AFF1: variants seen among roughly 807,000 people sequenced by gnomAD.
AFF1 encodes ALF transcription elongation factor 1, also known as AF4/FMR2 family member 1.
AFF1 carries 48 observed loss-of-function variants against 121.7 expected under a neutral mutation model. That is an observed-to-expected ratio of 0.39 (90% CI 0.31 to 0.50). AFF1 has a LOEUF of 0.50. AFF1 is among the 20% of genes least tolerant of loss of function. The pLI is 0.76. For synonymous variants in AFF1, 613 were observed against 563.0 expected (o/e 1.09, Z -1.26); for missense variants, 1,523 against 1,511.7 (o/e 1.01, Z -0.12).
chr4:87,070,026 A>G (rs1238527797), intron 4 of AFF1, among the ~76,000 whole-genome samples: 1 of 151,480 alleles, frequency 6.6e-6, no homozygotes, highest in African/African-American at 2.4e-5. Flanking sequence ...TTGTTTTGAG[A>G]TGGAGTCTCG....
chr4:87,120,681 T>C (rs79245286), intron 12 of AFF1, among the ~76,000 whole-genome samples: 562 of 152,322 alleles, frequency 3.7e-3, no homozygotes, highest in African/African-American at 0.013. Flanking sequence ...CCCGGCTTGG[T>C]TCCTCCACGG....
At chr4:87,126,959 A>C (rs986776129) in intron 14 of AFF1, 67 bp from the exon 15 acceptor site, 2 of 1,364,598 alleles carry the variant, frequency 1.5e-6, no homozygotes, top group Non-Finnish European at 2.1e-6. Context: ...TTTAAGAGGG[A>C]TGGTACTTTT....
intron 2 of AFF1, among the ~76,000 whole-genome samples, chr4:86,977,819 C>T (rs1480675882): frequency 6.6e-6 from 1 of 152,198 alleles, no homozygotes; most frequent in Non-Finnish European, 1.5e-5. Context: ...GTTGCCCTAA[C>T]ATAATTCTGG....
At chr4:87,035,396 C>A (rs187069200) in intron 2 of AFF1, among the ~76,000 whole-genome samples, 45 of 152,128 alleles carry the variant, frequency 3.0e-4, no homozygotes, top group African/African-American at 1.1e-3. Context: ...CCCATCTCTA[C>A]TAAAAATAAA....
Position 86,935,057 on chromosome 4 carries a change from C to T in AFF1, c.-220C>T, listed in dbSNP as rs971652108. ...CGCGCGCGGCCCCTGCGCACTCGGC[C>T]GCCGCCTGCGCGCGTTGCGGCCGCA... On this transcript the variant is annotated 5_prime_UTR_variant, in exon 1 of 21. Coordinates refer to ENST00000395146, the MANE Select transcript of AFF1 (RefSeq NM_001166693.3). 7.9e-5 allele frequency: 12 copies of T among 151,976 alleles called. No homozygotes were observed. Among genetic ancestry groups the T allele is most frequent in the Middle Eastern group, 3.2e-3 (1 of 312 alleles). 9.4% of individuals were successfully genotyped at this position (151,976 alleles called of 1,614,324 possible).
In AFF1 at chr4:87,136,886, G is replaced by A. The variant is rs1729345269; in HGVS notation, c.*1185G>A. The A allele has an allele frequency of 4.5e-6, 1 of 221,434 alleles. No homozygotes were observed. Among genetic ancestry groups the A allele is most frequent in the African/African-American group, 2.2e-5 (1 of 44,720 alleles). The allele number at this position is 221,434 out of a possible 1,614,324, so 13.7% of individuals were successfully genotyped here. On this transcript the variant is annotated 3_prime_UTR_variant, in exon 21 of 21. Coordinates refer to ENST00000395146, the MANE Select transcript of AFF1 (RefSeq NM_001166693.3). ...GAGGATGTAGAGATTTGGGGTGGTT[G>A]ATTAGACTTTTGAAAAACTCATCAC...
chr4:87,022,861 C>T (rs552278612), intron 2 of AFF1, among the ~76,000 whole-genome samples: 10 of 150,990 alleles, frequency 6.6e-5, no homozygotes, highest in South Asian at 2.1e-4. Context: ...CAATAAGTAA[C>T]GTTAGAATCA....
intron 4 of AFF1, among the ~76,000 whole-genome samples, chr4:87,058,584 C>T (rs1168851876): frequency 4.0e-5 from 6 of 151,896 alleles, no homozygotes; most frequent in Non-Finnish European, 5.9e-5. Flanking sequence ...AGGAGGTGTT[C>T]TCAACTCCCC....
chr4:87,057,235 G>T (rs932879507), intron 4 of AFF1, among the ~76,000 whole-genome samples: 2 of 152,188 alleles, frequency 1.3e-5, no homozygotes, highest in East Asian at 1.9e-4. Flanking sequence ...AGGAGGTTGG[G>T]CATGGGCAGA....
chr4:87,002,068 A>C (rs958290119), intron 2 of AFF1, among the ~76,000 whole-genome samples: 2 of 152,128 alleles, frequency 1.3e-5, no homozygotes, highest in African/African-American at 4.8e-5. Context: ...AGAATTCGGA[A>C]TAAGGCAACC....
chr4:87,033,675 G>A (rs6831823), intron 2 of AFF1, among the ~76,000 whole-genome samples: 6,419 of 152,220 alleles, frequency 0.042, 433 homozygotes, highest in African/African-American at 0.15. Flanking sequence ...CCTTGGGGAC[G>A]TTTCAGCAGT....
intron 2 of AFF1, among the ~76,000 whole-genome samples, chr4:87,035,768 A>C (rs11933302): frequency 0.039 from 5,942 of 152,320 alleles, 197 homozygotes; most frequent in African/African-American, 0.093. Flanking sequence ...TGAATGTTGG[A>C]TGCTTCATAG....
At chr4:86,983,128 A>C (rs1204899733) in intron 2 of AFF1, among the ~76,000 whole-genome samples, 1 of 152,154 alleles carries the variant, frequency 6.6e-6, no homozygotes, top group Non-Finnish European at 1.5e-5. Context: ...AGTGGGCTCA[A>C]GCTTGTAATC....
intron 4 of AFF1, among the ~76,000 whole-genome samples, chr4:87,060,620 C>T (rs1720647226): frequency 2.6e-5 from 4 of 152,002 alleles, no homozygotes; most frequent in Admixed American, 2.0e-4. Context: ...GGGTGGATCA[C>T]CTGAGGTCAG....
intron 2 of AFF1, chr4:86,949,843 G>A (rs928492308): frequency 1.6e-5 from 26 of 1,613,876 alleles, no homozygotes; most frequent in Admixed American, 1.2e-4. Flanking sequence ...ACCCCACCTC[G>A]TAGGTGTAGT....
At chr4:87,045,761 TC>T (rs1361694277) in intron 2 of AFF1, among the ~76,000 whole-genome samples, 4 of 152,168 alleles carry the variant, frequency 2.6e-5, no homozygotes, top group Non-Finnish European at 5.9e-5. Context: ...AAACGGCCTT[TC>T]TAAAGTCCAC....
chr4:87,084,510 C>G (rs989898022), intron 5 of AFF1, among the ~76,000 whole-genome samples: 3 of 151,202 alleles, frequency 2.0e-5, no homozygotes, highest in African/African-American at 2.4e-5. Flanking sequence ...GATCACGCCA[C>G]TGCACTCCAG....
intron 2 of AFF1, among the ~76,000 whole-genome samples, chr4:87,044,037 C>G (rs530059300): frequency 6.6e-6 from 1 of 152,118 alleles, no homozygotes; most frequent in East Asian, 1.9e-4. Flanking sequence ...AGGATGGTCT[C>G]GATCTCTTGA....
intron 4 of AFF1, among the ~76,000 whole-genome samples, chr4:87,082,082 A>G (rs970339631): frequency 6.6e-6 from 1 of 152,164 alleles, no homozygotes; most frequent in Non-Finnish European, 1.5e-5. Flanking sequence ...AATGTGCTTC[A>G]CTATTTTTAA....
Sources: gnomAD v4.1 joint callset for allele counts (sites outside exome capture counted in the v4.1 genomes callset) on GRCh38, gnomAD v4.1.1 for gene constraint, MANE v1.5 for transcripts, NCBI Gene and HGNC (gene_info 2026-07-23, HGNC 2026-07-21) for gene names.